Variants in ZNF221 observed in about 807,000 individuals in gnomAD.
ZNF221 encodes zinc finger protein 221.
A neutral mutation model predicts 12.6 loss-of-function variants in ZNF221; 10 were observed. That is an observed-to-expected ratio of 0.79 (90% CI 0.49 to 1.34). The LOEUF (loss-of-function observed/expected upper bound fraction) is 1.34, where lower values mean the gene tolerates loss of function less well. Among genes scored for constraint, ZNF221 ranks in the 40% most tolerant of loss-of-function variants. The probability of loss-of-function intolerance (pLI) is 0.00; values close to 1 mark genes in which losing one functional copy is unlikely to be tolerated. For missense variants in ZNF221, 661 were observed against 721.4 expected, an observed-to-expected ratio of 0.92 and a Z score of 0.96; for synonymous variants, 232 against 244.0, an observed-to-expected ratio of 0.95 and a Z score of 0.46.
At chr19:43,953,645 T>C (rs1974710091) in intron 1 of ZNF221, among the ~76,000 whole-genome samples, 1 of 152,140 alleles carries the variant, frequency 6.6e-6, no homozygotes. Context: ...CAGCCATCAC[T>C]CAATTCATGA....
chr19:43,953,233 G>A (rs1974702853), intron 1 of ZNF221, among the ~76,000 whole-genome samples: 1 of 150,512 alleles, frequency 6.6e-6, no homozygotes, highest in Non-Finnish European at 1.5e-5. Flanking sequence ...TTACAGGTGT[G>A]AGCCACTGTG....
intron 1 of ZNF221, among the ~76,000 whole-genome samples, chr19:43,954,558 A>G (rs1974725038): frequency 1.3e-5 from 2 of 152,164 alleles, no homozygotes; most frequent in South Asian, 2.1e-4. Context: ...GACTGTTTTT[A>G]CCATCAGGAA....
downstream of ZNF221, among the ~76,000 whole-genome samples, chr19:43,969,024 A>C (rs1975039789): frequency 1.3e-5 from 2 of 152,320 alleles, no homozygotes; most frequent in Middle Eastern, 3.4e-3. Flanking sequence ...GCAAGGTGGC[A>C]GATTCATCCT....
In ZNF221 at chr19:43,966,783, T is replaced by G; in HGVS notation, c.1281T>G (p.Cys427Trp). 6.2e-7 allele frequency: 1 copy of G among 1,614,092 alleles called. No homozygotes were observed. The highest frequency in any genetic ancestry group is 8.5e-7 in the Non-Finnish European group (1 of 1,180,008). Residue 427 changes from cysteine (C) to tryptophan (W), a missense_variant, in exon 5 of 5, where the codon TGT becomes TGG. Cys to Trp is a radical substitution (Grantham distance 215). Coordinates refer to ENST00000587682, the MANE Select transcript of ZNF221 (RefSeq NM_001297588.2). ...SGQKSFKCEE[C>W]GKGFYTNSRR... ...AAAAATCCTTCAAATGTGAAGAATG[T>G]GGGAAGGGATTTTATACAAATTCAC... is the stretch of plus-strand genomic sequence containing the variant.
the ZNF221 span, chr19:43,976,741 G>C: frequency 2.6e-5 from 4 of 152,168 alleles, no homozygotes; most frequent in African/African-American, 7.2e-5. Context: ...ACATTTGTTG[G>C]AGTTTGGTGA....
At position 43,967,019 on chromosome 19, in the gene ZNF221, T is replaced by G; in HGVS notation, c.1517T>G (p.Phe506Cys). The G allele has an allele frequency of 6.2e-7, 1 of 1,613,028 alleles. No homozygotes were observed. Among genetic ancestry groups the G allele is most frequent in the Non-Finnish European group, 8.5e-7 (1 of 1,179,730 alleles). The change falls in exon 5 of 5, where the codon TTC (phenylalanine) becomes TGC (cysteine). Residue 506 changes from phenylalanine to cysteine, a missense_variant. Physicochemically the swap from Phe to Cys is radical, Grantham distance 205 (BLOSUM62 -2). Coordinates refer to ENST00000587682, the MANE Select transcript of ZNF221 (RefSeq NM_001297588.2). Reference protein sequence around the residue: ...HQRLHSGEKPFKCEECGKRFT... With the variant: ...HQRLHSGEKPCKCEECGKRFT... ...AGACTCCACAGTGGGGAAAAACCTT[T>G]CAAATGTGAAGAGTGTGGAAAGAGA...
At chr19:43,975,640 A>C in the ZNF221 span, among the ~76,000 whole-genome samples, 1 of 152,188 alleles carries the variant, frequency 6.6e-6, no homozygotes, top group Non-Finnish European at 1.5e-5. Context: ...CATGGCTCAC[A>C]TTTACCTATG....
the ZNF221 span, among the ~76,000 whole-genome samples, chr19:43,981,268 T>C: frequency 6.6e-6 from 1 of 152,242 alleles, no homozygotes; most frequent in African/African-American, 2.4e-5. Flanking sequence ...GGCAAAACTT[T>C]AAAAATGTTG....
In ZNF221 at chr19:43,966,248, C is replaced by G; in HGVS notation, c.746C>G (p.Thr249Ser). The change falls in exon 5 of 5, where the codon ACT becomes AGT. Residue 249 changes from threonine (T) to serine (S), a missense_variant. Thr to Ser is a moderately conservative substitution (Grantham distance 58). Coordinates refer to ENST00000587682, the MANE Select transcript of ZNF221 (RefSeq NM_001297588.2). ...CTGCAAACTCATCAGAGAGTCCATA[C>G]TGGAGAGAAACCATTCAAATGTGGG... ...SHLQTHQRVH[T>S]GEKPFKCGQC... 1 of 1,614,214 alleles carries G rather than the reference C, an allele frequency of 6.2e-7. No homozygotes were observed. Among genetic ancestry groups the G allele is most frequent in the African/African-American group, 1.3e-5 (1 of 75,060 alleles).
intron 2 of ZNF221, among the ~76,000 whole-genome samples, chr19:43,963,152 C>A (rs114449439): frequency 1.6e-3 from 247 of 152,046 alleles, no homozygotes; most frequent in African/African-American, 5.7e-3. Context: ...AAATTGTGCT[C>A]GTTTTATATA....
chr19:43,971,918 A>C (rs577434864), downstream of ZNF221, among the ~76,000 whole-genome samples: 1 of 152,326 alleles, frequency 6.6e-6, no homozygotes, highest in South Asian at 2.1e-4. Context: ...CCTGATAGAT[A>C]TCTGCAGAAC....
chr19:43,953,779 C>G (rs1172339482), intron 1 of ZNF221, among the ~76,000 whole-genome samples: 1 of 152,080 alleles, frequency 6.6e-6, no homozygotes, highest in Admixed American at 6.6e-5. Context: ...GATCCTCTTA[C>G]ATAAAAAGGA....
At position 43,954,083 on chromosome 19, in the gene ZNF221, CAA is replaced by C. The variant is rs5828186; in HGVS notation, c.-3+2704_-3+2705del. Among the ~76,000 whole-genome samples, 406 of 86,646 alleles carry C rather than the reference CAA, an allele frequency of 4.7e-3. 1 individual carries two copies. Among genetic ancestry groups the C allele is most frequent in the African/African-American group, 0.015 (326 of 21,528 alleles). The allele number at this position is 86,646 out of a possible 152,430, so 56.8% of individuals were successfully genotyped here. Reference sequence around the variant, plus strand: ...GGCGAGACAGAGTGAGACTCCGTCTCAAAAAAAAAAAAAAAAAAAAAAGGATA... The same window carrying C: ...GGCGAGACAGAGTGAGACTCCGTCTCAAAAAAAAAAAAAAAAAAAAGGATA... On this transcript the variant is annotated intron_variant, in intron 1 of 4. Coordinates refer to ENST00000587682, the MANE Select transcript of ZNF221 (RefSeq NM_001297588.2).
chr19:43,952,676 T>A (rs1974693523), intron 1 of ZNF221, among the ~76,000 whole-genome samples: 1 of 152,184 alleles, frequency 6.6e-6, no homozygotes, highest in African/African-American at 2.4e-5. Flanking sequence ...ATTTCTGGGA[T>A]ACATTCTCAC....
At chr19:43,961,121 C>A (rs1489738416) in intron 1 of ZNF221, among the ~76,000 whole-genome samples, 1 of 152,170 alleles carries the variant, frequency 6.6e-6, no homozygotes, top group African/African-American at 2.4e-5. Context: ...GCTTTAAGAG[C>A]CCTGGCTGGA....
At chr19:43,962,492 A>G (rs1878015814) in intron 1 of ZNF221, among the ~76,000 whole-genome samples, 2 of 152,182 alleles carry the variant, frequency 1.3e-5, no homozygotes, top group South Asian at 4.1e-4. Flanking sequence ...TTGTAGCATG[A>G]GCCAGTTCTT....
At chr19:43,977,844 T>C in the ZNF221 span, among the ~76,000 whole-genome samples, 1 of 152,208 alleles carries the variant, frequency 6.6e-6, no homozygotes, top group African/African-American at 2.4e-5. Context: ...GGATAGTAGA[T>C]TGGAGGTCCC....
chr19:43,957,162 C>T (rs1434579614), intron 1 of ZNF221, among the ~76,000 whole-genome samples: 2 of 152,052 alleles, frequency 1.3e-5, no homozygotes, highest in African/African-American at 4.8e-5. Flanking sequence ...TATGGATAAA[C>T]CTTTTCTTAT....
chr19:43,954,247 A>T (rs1333059129), intron 1 of ZNF221, among the ~76,000 whole-genome samples: 1 of 152,210 alleles, frequency 6.6e-6, no homozygotes, highest in Admixed American at 6.5e-5. Flanking sequence ...GGTCTTAGCA[A>T]AACATATAGC....
Sources: allele counts gnomAD v4.1 joint callset (sites outside exome capture counted in the v4.1 genomes callset), GRCh38; gene constraint gnomAD v4.1.1; transcripts MANE v1.5; gene names NCBI Gene and HGNC (gene_info 2026-07-23, HGNC 2026-07-21).